CACNG5: variants seen among roughly 807,000 people sequenced by gnomAD.
The protein encoded by CACNG5 is voltage-dependent calcium channel gamma-5 subunit.
In CACNG5, 18 loss-of-function variants were observed where a neutral mutation model predicts 24.8. The observed-to-expected ratio is 0.73, with a 90% confidence interval of 0.50 to 1.08. The LOEUF (loss-of-function observed/expected upper bound fraction) is 1.08, where lower values mean the gene tolerates loss of function less well. Ranked by LOEUF, CACNG5 falls within the 50% of genes least tolerant of loss-of-function variation. The pLI is 0.00. For synonymous variants in CACNG5, 157 were observed against 149.1 expected (o/e 1.05, Z -0.39); for missense variants, 349 against 367.9 (o/e 0.95, Z 0.42).
At chr17:66,868,190 C>A (rs1976955219) in intron 1 of CACNG5, among the ~76,000 whole-genome samples, 1 of 152,180 alleles carries the variant, frequency 6.6e-6, no homozygotes, top group African/African-American at 2.4e-5. Context: ...GCCTGTCATG[C>A]CCCTTGGTCC....
Position 66,884,704 on chromosome 17 carries a change from A to C in CACNG5, c.570+43A>C, listed in dbSNP as rs757394204. On this transcript the variant is annotated intron_variant, in intron 5 of 5. Coordinates refer to ENST00000533854, the MANE Select transcript of CACNG5 (RefSeq NM_145811.3). The stretch of plus-strand genomic sequence containing the variant: ...AAGTATGGATAGGCTGGGCCTGGGC[A>C]CTGCCCCACTGAGCCGGGGAGAGTG... The C allele has an allele frequency of 3.1e-6, 5 of 1,614,166 alleles. No homozygotes were observed. In the Admixed American group the frequency reaches 8.3e-5, roughly 27 times the overall value.
At chr17:66,883,777 G>A (rs953705963) in intron 4 of CACNG5, among the ~76,000 whole-genome samples, 1 of 152,152 alleles carries the variant, frequency 6.6e-6, no homozygotes, top group Non-Finnish European at 1.5e-5. Context: ...CTGCCCATGG[G>A]GCGTATTTTA....
At chr17:66,872,113 T>G (rs1424635394) in intron 1 of CACNG5, among the ~76,000 whole-genome samples, 3 of 152,212 alleles carry the variant, frequency 2.0e-5, no homozygotes, top group African/African-American at 7.2e-5. Context: ...TTAAAAACCA[T>G]GCATAACCTA....
intron 4 of CACNG5, 40 bp from the exon 5 acceptor site, chr17:66,884,476 C>G: frequency 6.4e-7 from 1 of 1,570,260 alleles, no homozygotes; most frequent in Non-Finnish European, 8.6e-7. Context: ...CTTCCTGGGC[C>G]TCTGGGCTGA....
Position 66,884,977 on chromosome 17 carries a change from C to T in CACNG5, c.571-6C>T. On this transcript the variant is annotated splice_polypyrimidine_tract_variant and splice_region_variant and intron_variant, in intron 5 of 5. Transcript: ENST00000533854. ...GAGCCCATCCTCTGCTGTCTTCTCC[C>T]TGTAGAGTGCCGGGGTGATGTCTGT... The T allele has an allele frequency of 6.2e-7, 1 of 1,614,152 alleles. No homozygotes were observed. Among genetic ancestry groups the T allele is most frequent in the Non-Finnish European group, 8.5e-7 (1 of 1,179,996 alleles).
rs1303816248 is a variant in CACNG5 at position 66,893,379 on chromosome 17, C to G, written c.*8139C>G. 6.6e-6 allele frequency among the ~76,000 whole-genome samples: 1 copy of G among 152,240 alleles called. No homozygotes were observed. The highest frequency in any genetic ancestry group is 6.5e-5 in the Admixed American group (1 of 15,286). On this transcript the variant is annotated 3_prime_UTR_variant, in exon 6 of 6. Coordinates refer to ENST00000533854, the MANE Select transcript of CACNG5 (RefSeq NM_145811.3). ...TGACTCCTTCTCTCCCATCTCTACT[C>G]ATGATGCCAACCAATGTTGGAAATG... is the stretch of plus-strand genomic sequence containing the variant.
At chr17:66,861,869 C>A (rs114109942) in intron 1 of CACNG5, among the ~76,000 whole-genome samples, 1 of 152,216 alleles carries the variant, frequency 6.6e-6, no homozygotes, top group East Asian at 1.9e-4. Context: ...CCCCCGTTGC[C>A]ACTATGTTTA....
In CACNG5 at chr17:66,880,566, G is replaced by A. The variant is rs138881080; in HGVS notation, c.293G>A (p.Arg98His). Residue 98 changes from arginine to histidine, a missense_variant, in exon 4 of 6, where the codon CGC (arginine) becomes CAC (histidine). Coordinates refer to ENST00000533854, the MANE Select transcript of CACNG5 (RefSeq NM_145811.3). Reference protein sequence around the residue: ...ESTVNVLKMIRSATPFPLVSL... With the variant: ...ESTVNVLKMIHSATPFPLVSL... ...TTGTCCCGTTAATTAGAGATGATCC[G>A]CTCAGCCACACCATTCCCTCTGGTC... The A allele has an allele frequency of 1.5e-4, 240 of 1,614,122 alleles. 3 individuals are homozygous for A. In the African/African-American group the frequency reaches 2.2e-3, roughly 15 times the overall value.
intron 1 of CACNG5, among the ~76,000 whole-genome samples, chr17:66,858,098 C>T (rs1381964055): frequency 6.6e-6 from 1 of 152,204 alleles, no homozygotes. Context: ...ACACTTTCCT[C>T]TCTAGCAGCT....
intron 2 of CACNG5, 32 bp from the exon 3 acceptor site, chr17:66,878,940 G>A (rs745671178): frequency 6.5e-7 from 1 of 1,540,442 alleles, no homozygotes; most frequent in Non-Finnish European, 9.0e-7. Flanking sequence ...ATGTTCAAGA[G>A]GGACCTGGAA....
At position 66,879,017 on chromosome 17, in the gene CACNG5, T is replaced by C. The variant is rs1345973512; in HGVS notation, c.242T>C (p.Met81Thr). The C allele has an allele frequency of 1.2e-6, 2 of 1,614,064 alleles. No individual in the cohort carries two copies. The highest frequency in any genetic ancestry group is 2.2e-5 in the South Asian group (2 of 91,056). ...RCFTIEYVMP[M>T]NTQLTSESTV... ...TTCACCATAGAATATGTGATGCCCA[T>C]GAACACCCAGCTGACATCCGAGTCC... The change falls in exon 3 of 6, where the codon ATG becomes ACG. Residue 81 changes from methionine to threonine, a missense_variant. Coordinates refer to ENST00000533854, the MANE Select transcript of CACNG5 (RefSeq NM_145811.3).
rs546859406 is a variant in CACNG5 at position 66,858,273 on chromosome 17, T to C, written c.-103-18957T>C. Among the ~76,000 whole-genome samples the C allele has an allele frequency of 1.9e-3, 284 of 152,276 alleles. 5 individuals are homozygous for C. Among genetic ancestry groups the C allele is most frequent in the African/African-American group, 6.1e-3 (253 of 41,556 alleles). ...AGGCCCAGTATTTTCCACCCTGGGC[T>C]CAGCCAGCCTGGTGGTCAACCTTGC... is the stretch of plus-strand genomic sequence containing the variant. On this transcript the variant is annotated intron_variant, in intron 1 of 5. Coordinates refer to ENST00000533854, the MANE Select transcript of CACNG5 (RefSeq NM_145811.3).
intron 1 of CACNG5, among the ~76,000 whole-genome samples, chr17:66,850,960 A>G (rs1016460403): frequency 5.9e-5 from 9 of 152,148 alleles, no homozygotes; most frequent in African/African-American, 2.2e-4. Context: ...GGATCCAGAT[A>G]TGTGCCATCA....
chr17:66,883,588 G>A (rs1289128655), intron 4 of CACNG5, among the ~76,000 whole-genome samples: 2 of 152,208 alleles, frequency 1.3e-5, no homozygotes, highest in East Asian at 1.9e-4. Context: ...ATGGCAGTAG[G>A]AGGTTGGTCC....
At chr17:66,859,225 G>A (rs776251993) in intron 1 of CACNG5, among the ~76,000 whole-genome samples, 4 of 152,194 alleles carry the variant, frequency 2.6e-5, no homozygotes, top group Admixed American at 1.3e-4. Flanking sequence ...GCCTCGCCCT[G>A]AAGTAGCTGG....
At chr17:66,835,853 G>A (rs35681407) in intron 1 of CACNG5, among the ~76,000 whole-genome samples, 1 of 152,110 alleles carries the variant, frequency 6.6e-6, no homozygotes, top group African/African-American at 2.4e-5. Flanking sequence ...CCCCACCGCA[G>A]GTGCTGGGCG....
At chr17:66,865,435 A>G (rs539548439) in intron 1 of CACNG5, among the ~76,000 whole-genome samples, 2 of 152,230 alleles carry the variant, frequency 1.3e-5, no homozygotes, top group Non-Finnish European at 1.5e-5. Flanking sequence ...TAGAGCTCTC[A>G]GTCTAGCAAA....
intron 1 of CACNG5, 34 bp downstream of exon 1, chr17:66,835,284 T>G (rs1042380761): frequency 4.6e-5 from 7 of 152,266 alleles, no homozygotes; most frequent in African/African-American, 1.4e-4. Flanking sequence ...AGACCACCTC[T>G]TCCATCCTGG....
Position 66,889,886 on chromosome 17 carries a change from C to A in CACNG5, c.*4646C>A, listed in dbSNP as rs966625278. 6.6e-6 allele frequency among the ~76,000 whole-genome samples: 1 copy of A among 152,230 alleles called. No homozygotes were observed. Among genetic ancestry groups the A allele is most frequent in the Non-Finnish European group, 1.5e-5 (1 of 68,038 alleles). On this transcript the variant is annotated 3_prime_UTR_variant, in exon 6 of 6. Transcript: ENST00000533854. ...TGGGCAGCACCATGGCCCAGCCACA[C>A]TGACATGTAAAACTAACCATTGTAA...
Sources: allele counts gnomAD v4.1 joint callset (sites outside exome capture counted in the v4.1 genomes callset), GRCh38; gene constraint gnomAD v4.1.1; transcripts MANE v1.5; gene names NCBI Gene and HGNC (gene_info 2026-07-23, HGNC 2026-07-21).